ABR: variants seen among roughly 807,000 people sequenced by gnomAD.
The protein encoded by ABR is ABR activator of RhoGEF and GTPase, also known as active breakpoint cluster region-related protein.
ABR carries 35 observed loss-of-function variants against 107.2 expected under a neutral mutation model. That is an observed-to-expected ratio of 0.33 (90% CI 0.25 to 0.43). The LOEUF (loss-of-function observed/expected upper bound fraction) is 0.43. ABR is among the 20% of genes least tolerant of loss of function. The probability of loss-of-function intolerance (pLI) is 1.00; values close to 1 mark genes in which losing one functional copy is unlikely to be tolerated. For missense variants in ABR, 815 were observed against 1,115.2 expected (o/e 0.73, Z 3.83); for synonymous variants, 498 against 462.0 (o/e 1.08, Z -1.00).
At chr17:1,102,772 A>G (rs537726701) in intron 2 of ABR, among the ~76,000 whole-genome samples, 1 of 152,082 alleles carries the variant, frequency 6.6e-6, no homozygotes, top group Non-Finnish European at 1.5e-5. Flanking sequence ...GTGCAATGGC[A>G]TGATCTCAGC....
chr17:1,103,097 G>C (rs56939777), intron 2 of ABR, among the ~76,000 whole-genome samples: 13,819 of 152,214 alleles, frequency 0.091, 776 homozygotes, highest in East Asian at 0.27. Context: ...AGCAGCATTA[G>C]AAAAGCAAGA....
rs533927077 is a variant in ABR, at chr17:1,029,451, G to C, written c.1792-16287C>G. On this transcript the variant is annotated intron_variant, in intron 16 of 22. Coordinates refer to ENST00000302538, the MANE Select transcript of ABR (RefSeq NM_021962.5). ...AACAGATTGTTTAATCCCAGCCCTG[G>C]ATGAGTCACGCCCCGCCTCCAGCCT... Among the ~76,000 whole-genome samples the C allele has an allele frequency of 2.0e-5, 3 of 152,264 alleles. No individual in the cohort carries two copies. In the South Asian group the frequency reaches 6.2e-4, roughly 32 times the overall value.
At chr17:1,073,780 A>T (rs1391150835) in intron 6 of ABR, 103 bp from the exon 7 acceptor site, 11 of 1,049,860 alleles carry the variant, frequency 1.0e-5, no homozygotes, top group Non-Finnish European at 1.5e-5. Flanking sequence ...TTCCCACGTG[A>T]ACACCCCTCG....
intron 1 of ABR, among the ~76,000 whole-genome samples, chr17:1,128,542 G>A (rs2039695583): frequency 6.6e-6 from 1 of 152,270 alleles, no homozygotes. Context: ...AGGGATATGT[G>A]TGGAACTTGC....
chr17:1,090,846 C>T (rs886229621), intron 4 of ABR, among the ~76,000 whole-genome samples: 4 of 152,222 alleles, frequency 2.6e-5, no homozygotes, highest in Admixed American at 1.3e-4. Context: ...CTCCCAGTCT[C>T]CCTCTTGCCT....
intron 1 of ABR, among the ~76,000 whole-genome samples, chr17:1,177,073 C>T (rs554300205): frequency 2.0e-5 from 3 of 152,036 alleles, no homozygotes; most frequent in Non-Finnish European, 4.4e-5. Flanking sequence ...TTACAGTTCC[C>T]GATGGATCTG....
chr17:1,206,900 C>T (rs960083276), intron 1 of ABR, among the ~76,000 whole-genome samples: 2 of 152,132 alleles, frequency 1.3e-5, no homozygotes, highest in African/African-American at 4.8e-5. Context: ...CCCTGGCCAA[C>T]ATGGTAAAAC....
intron 10 of ABR, among the ~76,000 whole-genome samples, chr17:1,062,087 G>A (rs963024244): frequency 2.6e-5 from 4 of 152,220 alleles, no homozygotes; most frequent in Non-Finnish European, 5.9e-5. Context: ...TGAGGCCTAA[G>A]CTGAACCTGA....
chr17:1,116,356 G>A (rs2038986026), intron 2 of ABR, among the ~76,000 whole-genome samples: 1 of 152,202 alleles, frequency 6.6e-6, no homozygotes, highest in African/African-American at 2.4e-5. Context: ...CCCCAGCTCT[G>A]CCTCTTGCCA....
chr17:1,041,332 G>A (rs2030435485), intron 16 of ABR, among the ~76,000 whole-genome samples: 1 of 152,252 alleles, frequency 6.6e-6, no homozygotes, highest in Non-Finnish European at 1.5e-5. Context: ...GAGTGAACAG[G>A]TGAAAGCGTG....
rs919073434 is a variant in ABR, at chr17:1,148,275, A to G, written c.62-22908T>C. ...TATTATTCGGCTTATATTCCGACAC[A>G]GGCCAATTCTGACATCGATGAACCT... On this transcript the variant is annotated intron_variant, in intron 1 of 22. Transcript: ENST00000302538. This position sits in a 1 kb window ranked among gnomAD's most constrained non-coding sequence, Gnocchi z 4.9. Among the ~76,000 whole-genome samples, 4 of 152,256 alleles carry G rather than the reference A, an allele frequency of 2.6e-5. No individual in the cohort carries two copies. Among genetic ancestry groups the G allele is most frequent in the Admixed American group, 2.0e-4 (3 of 15,278 alleles).
chr17:1,229,672 G>T (rs1231237388), exon 1 of ABR, among the ~76,000 whole-genome samples: 9 of 151,960 alleles, frequency 5.9e-5, no homozygotes, highest in Non-Finnish European at 4.4e-5. Flanking sequence ...CGCGGCCCCC[G>T]AAGAGACCAG....
At chr17:1,187,968 C>T (rs2042347206), upstream of ABR, among the ~76,000 whole-genome samples, 1 of 152,106 alleles carries the variant, frequency 6.6e-6, no homozygotes, top group South Asian at 2.1e-4. Flanking sequence ...GTAATCCCAG[C>T]ACTTTGGGAG....
At chr17:1,036,064 G>A (rs117316367) in intron 16 of ABR, among the ~76,000 whole-genome samples, 1 of 152,198 alleles carries the variant, frequency 6.6e-6, no homozygotes, top group East Asian at 1.9e-4. Flanking sequence ...CCAGGAGGAA[G>A]GTTCTGCCTC....
At chr17:1,022,180 C>T (rs556623487) in intron 16 of ABR, among the ~76,000 whole-genome samples, 16 of 151,942 alleles carry the variant, frequency 1.1e-4, no homozygotes, top group South Asian at 4.2e-4. Context: ...CAGGGAACCA[C>T]GTGGAAGGTG....
At position 1,195,376 on chromosome 17, in the gene ABR, G is replaced by A. The variant is rs191530349; in HGVS notation, c.838+33417C>T. 1.2e-3 allele frequency among the ~76,000 whole-genome samples: 178 copies of A among 151,006 alleles called. 1 individual carries two copies. Among genetic ancestry groups the A allele is most frequent in the Non-Finnish European group, 2.3e-3 (153 of 67,762 alleles). On this transcript the variant is annotated intron_variant, in intron 1 of 22. Transcript: ENST00000574139. ...CTCTCCAAGTGCTGGGATTACAGGC[G>A]TGAGCCATCAGGCCCGGCCCTTAAG...
intron 14 of ABR, among the ~76,000 whole-genome samples, chr17:1,054,640 AACCTCAGG>A (rs2033034297): frequency 4.8e-5 from 1 of 20,628 alleles, no homozygotes; most frequent in Non-Finnish European, 1.0e-4. Context: ...GGGCACAAGG[AACCTCAGG>A]GGATGGGGGC....
chr17:1,042,701 T>G (rs1341929023), intron 16 of ABR, among the ~76,000 whole-genome samples: 1 of 150,374 alleles, frequency 6.7e-6, no homozygotes, highest in Non-Finnish European at 1.5e-5. Context: ...ACGTGGCACC[T>G]ACATCCACGG....
chr17:1,168,084 C>T (rs534980292), intron 1 of ABR, among the ~76,000 whole-genome samples: 18 of 151,442 alleles, frequency 1.2e-4, no homozygotes, highest in African/African-American at 4.1e-4. Flanking sequence ...GTCGGGAGTT[C>T]GAGACCAGCC....
Sources: allele counts gnomAD v4.1 joint callset (sites outside exome capture counted in the v4.1 genomes callset), GRCh38; gene constraint gnomAD v4.1.1; non-coding constraint Gnocchi (gnomAD v3.1); transcripts MANE v1.5; gene names NCBI Gene and HGNC (gene_info 2026-07-23, HGNC 2026-07-21).